ALKBH8: variants seen among roughly 807,000 people sequenced by gnomAD.
The protein encoded by ALKBH8 is tRNA (carboxymethyluridine(34)-5-O)-methyltransferase ALKBH8.
In ALKBH8, 36 loss-of-function variants were observed where a neutral mutation model predicts 59.8. That is an observed-to-expected ratio of 0.60 (90% CI 0.46 to 0.79). ALKBH8 has a LOEUF of 0.79. Among genes scored for constraint, ALKBH8 ranks in the 30% least tolerant of loss-of-function variants. The pLI is 0.00. For missense variants in ALKBH8, 768 were observed against 801.0 expected (o/e 0.96, Z 0.50); for synonymous variants, 276 against 273.6 (o/e 1.01, Z -0.09).
chr11:107,548,456 T>C (rs919762877), intron 7 of ALKBH8, among the ~76,000 whole-genome samples: 2 of 152,134 alleles, frequency 1.3e-5, no homozygotes, highest in African/African-American at 4.8e-5. Context: ...GGGAGGAAAA[T>C]GAGAAGATGT....
intron 7 of ALKBH8, among the ~76,000 whole-genome samples, chr11:107,543,567 C>A (rs1158148037): frequency 6.6e-6 from 1 of 152,186 alleles, no homozygotes; most frequent in Non-Finnish European, 1.5e-5. Flanking sequence ...TGTCCATGCA[C>A]TTCTATTCTC....
rs140887481 is a variant in ALKBH8 at position 107,561,680 on chromosome 11, T to G, written c.-6-781A>C. ...TTTATCACAGTAGTCTTTTATTTTG[T>G]TCACAAAATGTAACATAATTTGTGA... is the stretch of plus-strand genomic sequence containing the variant. On this transcript the variant is annotated intron_variant, in intron 1 of 11. Transcript: ENST00000428149. Among the ~76,000 whole-genome samples, 1,153 of 152,348 alleles carry G rather than the reference T, an allele frequency of 7.6e-3. 5 individuals carry two copies. The highest frequency in any genetic ancestry group is 0.01 in the Middle Eastern group (3 of 294).
rs537542292 is a variant in ALKBH8, at chr11:107,565,735, T to A, written c.-141A>T. 1.4e-4 allele frequency: 201 copies of A among 1,450,412 alleles called. No homozygotes were observed. In the African/African-American group the frequency reaches 2.5e-3, roughly 18 times the overall value. The allele number at this position is 1,450,412 out of a possible 1,614,324, so 89.8% of individuals were successfully genotyped here. A position where few individuals can be genotyped will look rare whatever the true frequency, so the allele number is the denominator to read the frequency against. Reference sequence around the variant, plus strand: ...TGGGCGCGGCCATGTTGGAGAAAACTGCACTACATTTCCCATGAGCCCGCG... The same window carrying A: ...TGGGCGCGGCCATGTTGGAGAAAACAGCACTACATTTCCCATGAGCCCGCG... On this transcript the variant is annotated 5_prime_UTR_variant, in exon 1 of 12. Coordinates refer to ENST00000428149, the MANE Select transcript of ALKBH8 (RefSeq NM_138775.3).
intron 9 of ALKBH8, among the ~76,000 whole-genome samples, chr11:107,524,373 T>A (rs566982749): frequency 1.5e-4 from 23 of 152,236 alleles, no homozygotes; most frequent in African/African-American, 5.5e-4. Context: ...ACAATTATTA[T>A]TCATCTTAAA....
chr11:107,514,230 T>C (rs562169569), intron 10 of ALKBH8, among the ~76,000 whole-genome samples: 1 of 152,274 alleles, frequency 6.6e-6, no homozygotes, highest in South Asian at 2.1e-4. Flanking sequence ...TAAAGTGCTA[T>C]GTTATTAATT....
At position 107,526,186 on chromosome 11, in the gene ALKBH8, C is replaced by T. The variant is rs1863346229; in HGVS notation, c.879-594G>A. Among the ~76,000 whole-genome samples, 3 of 151,990 alleles carry T rather than the reference C, an allele frequency of 2.0e-5. No individual in the cohort carries two copies. In the South Asian group the frequency reaches 6.2e-4, roughly 32 times the overall value. The stretch of plus-strand genomic sequence containing the variant: ...AATTGGTGGGTCATAAGGTAAGAAA[C>T]TTCTAGTTTTCCAAGGTAGTTGTAA... On this transcript the variant is annotated intron_variant, in intron 8 of 11. Transcript: ENST00000428149.
At chr11:107,557,304 A>G (rs1337915558) in intron 2 of ALKBH8, among the ~76,000 whole-genome samples, 4 of 152,250 alleles carry the variant, frequency 2.6e-5, no homozygotes, top group Non-Finnish European at 5.9e-5. Context: ...TCAGAAATAT[A>G]AATTTAACAT....
chr11:107,505,289 C>T (rs1862336883), intron 11 of ALKBH8, 74 bp from the exon 12 acceptor site: 7 of 1,186,058 alleles, frequency 5.9e-6, no homozygotes, highest in South Asian at 1.8e-5. Context: ...GACCATAGGA[C>T]TGTTTTCAAT....
chr11:107,521,223 C>T (rs1863096231), intron 10 of ALKBH8, among the ~76,000 whole-genome samples: 1 of 152,100 alleles, frequency 6.6e-6, no homozygotes, highest in African/African-American at 2.4e-5. Flanking sequence ...TAACTAGAGG[C>T]ATTTGAGATG....
At position 107,549,793 on chromosome 11, in the gene ALKBH8, G is replaced by A. The variant is rs1233749690; in HGVS notation, c.731C>T (p.Ala244Val). 1 of 1,550,236 alleles carries A rather than the reference G, an allele frequency of 6.5e-7. No individual in the cohort carries two copies. The highest frequency in any genetic ancestry group is 8.7e-7 in the Non-Finnish European group (1 of 1,145,884). The change falls in exon 7 of 12, where the codon GCT becomes GTT. Residue 244 changes from alanine to valine, a missense_variant. Physicochemically the swap from Ala to Val is moderately conservative, Grantham distance 64 (BLOSUM62 0). Coordinates refer to ENST00000428149, the MANE Select transcript of ALKBH8 (RefSeq NM_138775.3). ...GAGAGAAACGATCTCATCCTCAAAA[G>A]CGGAATGTGTATCAATATGAGCGGG... ...GIPAHIDTHSAFEDEIVSLSL... is the reference protein window; with the variant it reads ...GIPAHIDTHSVFEDEIVSLSL...
At chr11:107,549,211 A>G (rs896934067) in intron 7 of ALKBH8, among the ~76,000 whole-genome samples, 1 of 152,134 alleles carries the variant, frequency 6.6e-6, no homozygotes, top group African/African-American at 2.4e-5. Context: ...TTCACATGTA[A>G]TATTTTCTTT....
Position 107,504,578 on chromosome 11 carries a change from TTAAAAGGG to T in ALKBH8, c.*72_*79del. On this transcript the variant is annotated 3_prime_UTR_variant, in exon 12 of 12. Coordinates refer to ENST00000428149, the MANE Select transcript of ALKBH8 (RefSeq NM_138775.3). Reference sequence around the variant, plus strand: ...ACTTTCCCACAAGTTTTCTCTTTAATTAAAAGGGTAATTAATTTATTCTCTCTTTTTTT... The same window carrying T: ...ACTTTCCCACAAGTTTTCTCTTTAATTAATTAATTTATTCTCTCTTTTTTT... 6.6e-7 allele frequency: 1 copy of T among 1,504,056 alleles called. No homozygotes were observed. The highest frequency in any genetic ancestry group is 9.0e-7 in the Non-Finnish European group (1 of 1,108,694). The allele number at this position is 1,504,056 out of a possible 1,614,324, so 93.2% of individuals were successfully genotyped here.
intron 11 of ALKBH8, among the ~76,000 whole-genome samples, chr11:107,509,651 T>C (rs144769970): frequency 6.6e-6 from 1 of 152,290 alleles, no homozygotes; most frequent in African/African-American, 2.4e-5. Flanking sequence ...AAGTCTTTGA[T>C]CCATTTTGAG....
At position 107,504,952 on chromosome 11, in the gene ALKBH8, T is replaced by C. The variant is rs1383935451; in HGVS notation, c.1701A>G (p.Gly567=). 5.2e-6 allele frequency: 8 copies of C among 1,551,892 alleles called. No homozygotes were observed. In the South Asian group the frequency reaches 9.5e-5, roughly 18 times the overall value. Residue 567 remains glycine, a synonymous_variant, in exon 12 of 12, where the codon GGA becomes GGG. Coordinates refer to ENST00000428149, the MANE Select transcript of ALKBH8 (RefSeq NM_138775.3). ...VPRINDSQEG[G]CNSRQVSNSK... is the part of the protein sequence containing the mutation. ...AATTAGAAACTTGCCTTGAATTACA[T>C]CCTCCTTCCTGAGAGTCATTAATGC...
chr11:107,545,989 A>G (rs1486988836), intron 7 of ALKBH8, among the ~76,000 whole-genome samples: 2 of 152,202 alleles, frequency 1.3e-5, no homozygotes, highest in Admixed American at 1.3e-4. Flanking sequence ...CAAATAAAGG[A>G]ATTTTTATCA....
intron 1 of ALKBH8, 194 bp downstream of exon 1, chr11:107,565,407 C>G: frequency 1.5e-6 from 1 of 686,040 alleles, no homozygotes. Flanking sequence ...ACACATGCAC[C>G]CTAAACACTG....
intron 7 of ALKBH8, among the ~76,000 whole-genome samples, chr11:107,534,979 C>T (rs1728110378): frequency 6.6e-6 from 1 of 152,164 alleles, no homozygotes; most frequent in South Asian, 2.1e-4. Context: ...TAGCTTAGCT[C>T]CCACTTATGA....
intron 10 of ALKBH8, among the ~76,000 whole-genome samples, chr11:107,518,335 A>G (rs1862957762): frequency 1.3e-5 from 2 of 152,178 alleles, no homozygotes; most frequent in Admixed American, 6.5e-5. Flanking sequence ...TCACTCTGTC[A>G]CCCAGGCTGA....
intron 11 of ALKBH8, among the ~76,000 whole-genome samples, chr11:107,508,051 A>G (rs190050540): frequency 3.9e-5 from 6 of 152,280 alleles, no homozygotes; most frequent in Admixed American, 3.3e-4. Flanking sequence ...AACAAATTAT[A>G]AATAAATAAA....
Sources: gnomAD v4.1 joint callset for allele counts (sites outside exome capture counted in the v4.1 genomes callset) on GRCh38, gnomAD v4.1.1 for gene constraint, MANE v1.5 for transcripts, NCBI Gene and HGNC (gene_info 2026-07-23, HGNC 2026-07-21) for gene names.